Variants in PIAS1 observed in about 807,000 individuals in gnomAD.
PIAS1 encodes protein inhibitor of activated STAT 1, also known as E3 SUMO-protein ligase PIAS1.
Under a neutral mutation model 71.3 loss-of-function variants are expected in PIAS1, and 6 were observed. The observed-to-expected ratio is 0.08, with a 90% confidence interval of 0.05 to 0.17. The LOEUF is 0.17. Among genes scored for constraint, PIAS1 ranks in the 10% least tolerant of loss-of-function variants. The probability of loss-of-function intolerance (pLI) is 1.00; values close to 1 mark genes in which losing one functional copy is unlikely to be tolerated. For synonymous variants in PIAS1, 303 were observed against 292.9 expected (o/e 1.03, Z -0.35); for missense variants, 555 against 793.6 (o/e 0.70, Z 3.61).
chr15:68,082,527 G>A (rs2092238702), intron 1 of PIAS1, among the ~76,000 whole-genome samples: 1 of 152,154 alleles, frequency 6.6e-6, no homozygotes, highest in African/African-American at 2.4e-5. Flanking sequence ...GAAAAATGGT[G>A]TAGTTATTAA....
chr15:68,099,151 G>A (rs1486764657), intron 2 of PIAS1, among the ~76,000 whole-genome samples: 1 of 150,944 alleles, frequency 6.6e-6, no homozygotes, highest in African/African-American at 2.4e-5. Flanking sequence ...TGTTGTTGTT[G>A]TTTTTAAAAA....
At chr15:68,112,921 A>C (rs2092534660) in intron 2 of PIAS1, among the ~76,000 whole-genome samples, 1 of 152,208 alleles carries the variant, frequency 6.6e-6, no homozygotes, top group African/African-American at 2.4e-5. Context: ...GGATTCATCA[A>C]GGCATTAATT....
At chr15:68,119,993 A>G (rs2092600014) in intron 2 of PIAS1, among the ~76,000 whole-genome samples, 1 of 151,982 alleles carries the variant, frequency 6.6e-6, no homozygotes, top group African/African-American at 2.4e-5. Flanking sequence ...TTATTTTTTA[A>G]AGATGGGGTC....
intron 1 of PIAS1, among the ~76,000 whole-genome samples, chr15:68,064,218 C>T (rs2091992012): frequency 6.6e-6 from 1 of 152,074 alleles, no homozygotes; most frequent in African/African-American, 2.4e-5. Flanking sequence ...GTGTGCCTGT[C>T]ACTACAGGGA....
At chr15:68,135,089 CG>C (rs1396784046) in intron 2 of PIAS1, among the ~76,000 whole-genome samples, 2 of 43,382 alleles carry the variant, frequency 4.6e-5, no homozygotes, top group Admixed American at 1.8e-4. Context: ...GCTGGCCGGG[CG>C]GGGGGCTGAC....
Position 68,110,741 on chromosome 15 carries a change from G to GA in PIAS1, c.469+24001dup, listed in dbSNP as rs1016991001. ...GTGATAGAGTGGGACCCTGTCTCCA[G>GA]AAAAAAAAAAGGTATTTATTCTCAA... On this transcript the variant is annotated intron_variant, in intron 2 of 13. Coordinates refer to ENST00000249636, the MANE Select transcript of PIAS1 (RefSeq NM_016166.3). Among the ~76,000 whole-genome samples, 1,018 of 146,152 alleles carry GA rather than the reference G, an allele frequency of 7.0e-3. 9 individuals are homozygous for GA. Among genetic ancestry groups the GA allele is most frequent in the African/African-American group, 0.022 (880 of 39,940 alleles).
intron 1 of PIAS1, among the ~76,000 whole-genome samples, chr15:68,070,339 A>G (rs1417945089): frequency 6.6e-6 from 1 of 152,224 alleles, no homozygotes; most frequent in African/African-American, 2.4e-5. Flanking sequence ...AATTCTTGAA[A>G]TGAAGCAAGT....
chr15:68,111,250 C>G lies in PIAS1; in HGVS notation c.469+24500C>G, dbSNP rs529228445. Among the ~76,000 whole-genome samples, 166 of 152,266 alleles carry G rather than the reference C, an allele frequency of 1.1e-3. 1 individual carries two copies. Among genetic ancestry groups the G allele is most frequent in the African/African-American group, 3.9e-3 (161 of 41,552 alleles). Reference sequence around the variant, plus strand: ...TGATCCTGTCAGCATCTGCTCAATCCTACTTCTGTGGTCAGAGGTAAGGGT... The same window carrying G: ...TGATCCTGTCAGCATCTGCTCAATCGTACTTCTGTGGTCAGAGGTAAGGGT... On this transcript the variant is annotated intron_variant, in intron 2 of 13. Transcript: ENST00000249636.
At position 68,191,287 on chromosome 15, in the gene PIAS1, AC is replaced by A. The variant is rs1244298826; in HGVS notation, c.*3454del. ...AAACTTTCTCTCTTAGAATTTCCAT[AC>A]CGCATGCCAAACCAGTAAAATGGCT... On this transcript the variant is annotated 3_prime_UTR_variant, in exon 14 of 14. Transcript: ENST00000249636. 8 of 152,678 alleles carry A rather than the reference AC, an allele frequency of 5.2e-5. No homozygotes were observed. The highest frequency in any genetic ancestry group is 1.9e-4 in the African/African-American group (8 of 41,472). 9.5% of individuals were successfully genotyped at this position (152,678 alleles called of 1,614,324 possible).
intron 2 of PIAS1, among the ~76,000 whole-genome samples, chr15:68,109,234 G>A (rs932879867): frequency 1.3e-5 from 2 of 152,132 alleles, no homozygotes; most frequent in Non-Finnish European, 2.9e-5. Context: ...TCTAGTCAAG[G>A]TATTAATATG....
chr15:68,058,742 GAAGT>G (rs1034106767), intron 1 of PIAS1, among the ~76,000 whole-genome samples: 13 of 152,164 alleles, frequency 8.5e-5, no homozygotes, highest in African/African-American at 3.1e-4. Flanking sequence ...GAGAATCTGA[GAAGT>G]AAGCAGAAAA....
chr15:68,155,385 C>T (rs142218784), intron 7 of PIAS1, among the ~76,000 whole-genome samples: 76 of 137,284 alleles, frequency 5.5e-4, no homozygotes, highest in African/African-American at 1.8e-3. Flanking sequence ...TGGATCCCAC[C>T]AGTAAGAAAT....
intron 1 of PIAS1, among the ~76,000 whole-genome samples, chr15:68,061,682 G>T (rs935035585): frequency 6.6e-6 from 1 of 151,980 alleles, no homozygotes; most frequent in South Asian, 2.1e-4. Flanking sequence ...CAGTTTACCC[G>T]CTTTGGTTGC....
intron 1 of PIAS1, among the ~76,000 whole-genome samples, chr15:68,073,003 T>TTA (rs1482833945): frequency 1.3e-5 from 2 of 151,604 alleles, no homozygotes; most frequent in African/African-American, 4.9e-5. Flanking sequence ...TTGTGAGAGG[T>TTA]TATATGTATA....
intron 2 of PIAS1, among the ~76,000 whole-genome samples, chr15:68,118,471 A>T (rs919742640): frequency 7.2e-5 from 11 of 152,112 alleles, no homozygotes; most frequent in Non-Finnish European, 1.6e-4. Context: ...CAAGTTGCTG[A>T]GACTATAGGC....
chr15:68,190,381 TATCA>T lies in PIAS1; in HGVS notation c.*2551_*2554del, dbSNP rs1202104534. On this transcript the variant is annotated 3_prime_UTR_variant, in exon 14 of 14. Transcript: ENST00000249636. This position sits in a 1 kb window ranked among gnomAD's most constrained non-coding sequence, Gnocchi z 4.7. The stretch of plus-strand genomic sequence containing the variant: ...GTCACTCTGTTGGTCTCATGGTCAA[TATCA>T]ATCAGACTTTCATGATCTCTACTAA... 8.5e-5 allele frequency: 13 copies of T among 152,340 alleles called. No individual in the cohort carries two copies. The highest frequency in any genetic ancestry group is 2.2e-4 in the African/African-American group (9 of 41,588). The allele number at this position is 152,340 out of a possible 1,614,324, so 9.4% of individuals were successfully genotyped here.
intron 7 of PIAS1, among the ~76,000 whole-genome samples, chr15:68,158,097 G>T (rs142018835): frequency 6.6e-6 from 1 of 152,030 alleles, no homozygotes; most frequent in Non-Finnish European, 1.5e-5. Flanking sequence ...TCATTCCCTT[G>T]CATTTCATGG....
At position 68,179,564 on chromosome 15, in the gene PIAS1, C is replaced by CTTTTTTTTTTTTTTTTTTTTTTTTT. The variant is rs766344324; in HGVS notation, c.1482-1644_1482-1620dup. ...CAACCTTGTCATCTCGTGAAATGTT[C>CTTTTTTTTTTTTTTTTTTTTTTTTT]TTTTTTTTTTTTTTTTTTTTTTTTT... On this transcript the variant is annotated intron_variant, in intron 11 of 13. Transcript: ENST00000249636. Among the ~76,000 whole-genome samples, 45 of 40,104 alleles carry CTTTTTTTTTTTTTTTTTTTTTTTTT rather than the reference C, an allele frequency of 1.1e-3. 13 individuals carry two copies. The highest frequency in any genetic ancestry group is 3.1e-3 in the South Asian group (2 of 648). The allele number at this position is 40,104 out of a possible 152,430, so 26.3% of individuals were successfully genotyped here.
intron 1 of PIAS1, among the ~76,000 whole-genome samples, chr15:68,062,363 G>C (rs1367604237): frequency 6.6e-6 from 1 of 152,136 alleles, no homozygotes; most frequent in Non-Finnish European, 1.5e-5. Context: ...CAGCTTTATT[G>C]AGATAAAATT....
Sources: gnomAD v4.1 joint callset for allele counts (sites outside exome capture counted in the v4.1 genomes callset) on GRCh38, gnomAD v4.1.1 for gene constraint, Gnocchi (gnomAD v3.1) non-coding constraint, MANE v1.5 for transcripts, NCBI Gene and HGNC (gene_info 2026-07-23, HGNC 2026-07-21) for gene names.